FOXN2: variants seen among roughly 807,000 people sequenced by gnomAD.
FOXN2 encodes forkhead box protein N2.
Under a neutral mutation model 41.2 loss-of-function variants are expected in FOXN2, and 19 were observed. The ratio of observed to expected loss-of-function variants is 0.46; its 90% CI spans 0.32 to 0.68. FOXN2 has a LOEUF of 0.68. FOXN2 is among the 30% of genes least tolerant of loss of function. The pLI is 0.03. For missense variants in FOXN2, 587 were observed against 509.4 expected (o/e 1.15, Z -1.47); for synonymous variants, 195 against 176.8 (o/e 1.10, Z -0.82).
At chr2:48,328,377 A>G (rs1280043224) in intron 1 of FOXN2, among the ~76,000 whole-genome samples, 184 bp from the exon 2 acceptor site, 2 of 152,214 alleles carry the variant, frequency 1.3e-5, no homozygotes, top group Admixed American at 6.5e-5. Flanking sequence ...TAACCTACCC[A>G]CTTCCTTCCA....
chr2:48,354,885 A>T (rs995584171), intron 3 of FOXN2, among the ~76,000 whole-genome samples: 2 of 152,306 alleles, frequency 1.3e-5, no homozygotes, highest in African/African-American at 2.4e-5. Context: ...TAAAAGAACA[A>T]AAAATGCTTT....
chr2:48,338,304 G>A (rs1267100032), intron 2 of FOXN2, among the ~76,000 whole-genome samples: 1 of 152,130 alleles, frequency 6.6e-6, no homozygotes, highest in Non-Finnish European at 1.5e-5. Context: ...CTGAGAAATG[G>A]CCCAGATAAA....
intron 5 of FOXN2, among the ~76,000 whole-genome samples, chr2:48,371,551 C>A (rs1672895801): frequency 6.6e-6 from 1 of 152,058 alleles, no homozygotes. Context: ...ATTTTGCCTC[C>A]AGTTTTGTTC....
intron 1 of FOXN2, among the ~76,000 whole-genome samples, chr2:48,320,071 A>G (rs1342509830): frequency 6.6e-6 from 1 of 152,100 alleles, no homozygotes; most frequent in Non-Finnish European, 1.5e-5. Context: ...AAGAGGAAAT[A>G]CAGAAAAAAA....
chr2:48,365,374 A>T (rs1375974540), intron 5 of FOXN2, among the ~76,000 whole-genome samples: 5 of 152,208 alleles, frequency 3.3e-5, no homozygotes, highest in Non-Finnish European at 7.3e-5. Context: ...ACATTTAGGT[A>T]TTGCCAAAAT....
intron 2 of FOXN2, among the ~76,000 whole-genome samples, chr2:48,343,605 T>A (rs28396134): frequency 4.0e-5 from 6 of 151,832 alleles, no homozygotes; most frequent in African/African-American, 1.2e-4. Flanking sequence ...ATAAAAAAAA[T>A]TTAAAAATTA....
chr2:48,356,294 A>C lies in FOXN2; in HGVS notation c.538-2753A>C, dbSNP rs374148503. 3.3e-5 allele frequency among the ~76,000 whole-genome samples: 5 copies of C among 152,150 alleles called. No individual in the cohort carries two copies. The East Asian group carries it at 5.8e-4, about 18-fold the overall frequency. ...TGTCTCTACTAAAAATACAAAAATT[A>C]GCCGGGCATGGTGGTGCACACCTGT... On this transcript the variant is annotated intron_variant, in intron 3 of 6. Coordinates refer to ENST00000340553, the MANE Select transcript of FOXN2 (RefSeq NM_002158.4).
At chr2:48,365,627 A>G (rs566024050) in intron 5 of FOXN2, among the ~76,000 whole-genome samples, 9 of 152,244 alleles carry the variant, frequency 5.9e-5, no homozygotes, top group African/African-American at 2.2e-4. Flanking sequence ...TTCTTCATCT[A>G]ATGACTTGTA....
chr2:48,368,974 A>G (rs890850088), intron 5 of FOXN2, among the ~76,000 whole-genome samples: 3 of 152,228 alleles, frequency 2.0e-5, no homozygotes, highest in Non-Finnish European at 4.4e-5. Context: ...ATCCTTTTGC[A>G]AAGAAGTGTT....
chr2:48,320,865 A>G (rs1253539914), intron 1 of FOXN2, among the ~76,000 whole-genome samples: 1 of 152,198 alleles, frequency 6.6e-6, no homozygotes, highest in East Asian at 1.9e-4. Context: ...GAATGTTGCT[A>G]CTTTATTGTT....
At chr2:48,370,873 C>T (rs897573759) in intron 5 of FOXN2, among the ~76,000 whole-genome samples, 16 of 152,202 alleles carry the variant, frequency 1.1e-4, no homozygotes, top group Non-Finnish European at 1.8e-4. Flanking sequence ...TTTTCCCAGA[C>T]CAATGTCCTG....
chr2:48,370,270 C>T (rs151148592), intron 5 of FOXN2, among the ~76,000 whole-genome samples: 66 of 152,242 alleles, frequency 4.3e-4, no homozygotes, highest in Non-Finnish European at 8.5e-4. Flanking sequence ...CTTCTTCAGA[C>T]GTGTTAGAAT....
intron 5 of FOXN2, among the ~76,000 whole-genome samples, chr2:48,366,313 C>T (rs1672530334): frequency 6.7e-6 from 1 of 149,490 alleles, no homozygotes; most frequent in Non-Finnish European, 1.5e-5. Flanking sequence ...GAGCCGAGAT[C>T]GCGCCACTGC....
chr2:48,345,212 A>C lies in FOXN2; in HGVS notation c.-14-989A>C, dbSNP rs532106570. On this transcript the variant is annotated intron_variant, in intron 2 of 6. Coordinates refer to ENST00000340553, the MANE Select transcript of FOXN2 (RefSeq NM_002158.4). ...GAGTTTAAAAGTACTGGGATTTTAA[A>C]AAGAAATGATAACTTATAGTGAATT... is the stretch of plus-strand genomic sequence containing the variant. Among the ~76,000 whole-genome samples the C allele has an allele frequency of 1.1e-4, 17 of 152,320 alleles. No individual in the cohort carries two copies. The Middle Eastern group carries it at 0.014, about 122-fold the overall frequency.
At position 48,353,270 on chromosome 2, in the gene FOXN2, C is replaced by G. The variant is rs547962130; in HGVS notation, c.538-5777C>G. ...TGATCTACCCCCACAAGACTACTTG[C>G]TATTCCAGTATACTATAAATAGTCC... On this transcript the variant is annotated intron_variant, in intron 3 of 6. Coordinates refer to ENST00000340553, the MANE Select transcript of FOXN2 (RefSeq NM_002158.4). 2.6e-5 allele frequency among the ~76,000 whole-genome samples: 4 copies of G among 152,282 alleles called. No homozygotes were observed. In the South Asian group the frequency reaches 6.2e-4, roughly 24 times the overall value.
chr2:48,359,354 C>T (rs570572403), intron 4 of FOXN2, among the ~76,000 whole-genome samples: 16 of 152,230 alleles, frequency 1.1e-4, no homozygotes, highest in East Asian at 3.9e-4. Flanking sequence ...AGTGCAGTAG[C>T]GAGATCTCGG....
chr2:48,353,837 T>A (rs1671620548), intron 3 of FOXN2, among the ~76,000 whole-genome samples: 2 of 152,036 alleles, frequency 1.3e-5, no homozygotes, highest in South Asian at 4.1e-4. Context: ...GGTATTGTTA[T>A]CCTCTGTCTT....
At chr2:48,334,916 T>A (rs1160082606) in intron 2 of FOXN2, among the ~76,000 whole-genome samples, 2 of 152,220 alleles carry the variant, frequency 1.3e-5, no homozygotes, top group African/African-American at 4.8e-5. Flanking sequence ...GAAAATGTGC[T>A]ACCACAAACC....
intron 6 of FOXN2, 92 bp from the exon 7 acceptor site, chr2:48,374,828 T>C (rs761342413): frequency 9.6e-7 from 1 of 1,038,296 alleles, no homozygotes; most frequent in Non-Finnish European, 1.4e-6. Flanking sequence ...TCTAAAACAT[T>C]TGTTGCTCAA....
Sources: allele counts gnomAD v4.1 joint callset (sites outside exome capture counted in the v4.1 genomes callset), GRCh38; gene constraint gnomAD v4.1.1; transcripts MANE v1.5; gene names NCBI Gene and HGNC (gene_info 2026-07-23, HGNC 2026-07-21).